The following IQSEC3 variants were observed in gnomAD, a reference collection of about 807,000 sequenced individuals.
The protein encoded by IQSEC3 is IQ motif and Sec7 domain ArfGEF 3.
A neutral mutation model predicts 105.4 loss-of-function variants in IQSEC3; 50 were observed. The ratio of observed to expected loss-of-function variants is 0.47; its 90% CI spans 0.38 to 0.60. IQSEC3 has a LOEUF of 0.60. IQSEC3 is among the 20% of genes least tolerant of loss of function. IQSEC3 has a pLI of 0.00. For synonymous variants in IQSEC3, 708 were observed against 746.0 expected (o/e 0.95, Z 0.83); for missense variants, 1,415 against 1,630.0 (o/e 0.87, Z 2.27).
chr12:103,073 C>T (rs1395417839), intron 2 of IQSEC3, among the ~76,000 whole-genome samples: 1 of 152,086 alleles, frequency 6.6e-6, no homozygotes, highest in Non-Finnish European at 1.5e-5. Flanking sequence ...GCCCCCTGGT[C>T]GTTGCCCCTA....
chr12:102,636 G>T (rs1242441321), intron 2 of IQSEC3, among the ~76,000 whole-genome samples: 1 of 152,178 alleles, frequency 6.6e-6, no homozygotes, highest in Non-Finnish European at 1.5e-5. Context: ...CAGCCCTACC[G>T]AGGCCAGGAC....
intron 1 of IQSEC3, among the ~76,000 whole-genome samples, chr12:85,201 A>G (rs1863878575): frequency 6.6e-6 from 1 of 152,146 alleles, no homozygotes; most frequent in South Asian, 2.1e-4. Flanking sequence ...ACAGCTGACG[A>G]AAGGTGGGTT....
chr12:89,760 C>T lies in IQSEC3; in HGVS notation c.555-9386C>T, dbSNP rs117744923. Among the ~76,000 whole-genome samples, 639 of 152,310 alleles carry T rather than the reference C, an allele frequency of 4.2e-3. 5 individuals are homozygous for T. Among genetic ancestry groups the T allele is most frequent in the East Asian group, 0.027 (139 of 5,184 alleles). On this transcript the variant is annotated intron_variant, in intron 1 of 13. Transcript: ENST00000538872. ...CGTTTATGAAATTCATCCATGTTGG[C>T]TGATGTATCAGTAAGCATGTTCCTT...
intron 1 of IQSEC3, among the ~76,000 whole-genome samples, chr12:84,966 CA>C (rs558373118): frequency 6.6e-6 from 1 of 151,976 alleles, no homozygotes; most frequent in African/African-American, 2.4e-5. Context: ...CAGCGTGCAG[CA>C]AAAAAAGTCA....
chr12:74,313 G>A (rs1555068432), intron 1 of IQSEC3, among the ~76,000 whole-genome samples: 4 of 152,196 alleles, frequency 2.6e-5, no homozygotes, highest in African/African-American at 9.7e-5. Flanking sequence ...TGTGGTTGTG[G>A]GTTTTCTTCT....
At chr12:76,514 C>G (rs1333957148) in intron 1 of IQSEC3, among the ~76,000 whole-genome samples, 3 of 152,264 alleles carry the variant, frequency 2.0e-5, no homozygotes, top group African/African-American at 7.2e-5. Context: ...TGACCCCTGG[C>G]CTGGTCACGC....
intron 9 of IQSEC3, 95 bp downstream of exon 9, chr12:163,714 C>T (rs1165667519): frequency 6.4e-6 from 5 of 783,750 alleles, no homozygotes; most frequent in Middle Eastern, 2.5e-4. Flanking sequence ...CAGGAAAGGA[C>T]GCCCAGAGCT....
At chr12:103,889 GGA>G (rs1185417705) in intron 2 of IQSEC3, among the ~76,000 whole-genome samples, 3 of 96,870 alleles carry the variant, frequency 3.1e-5, no homozygotes, top group Non-Finnish European at 4.7e-5. Context: ...CGGGGGCTCG[GGA>G]GGGGAGGCGG....
At chr12:126,432 G>A (rs1555083525) in intron 3 of IQSEC3, among the ~76,000 whole-genome samples, 1 of 152,198 alleles carries the variant, frequency 6.6e-6, no homozygotes, top group African/African-American at 2.4e-5. Context: ...GGAGGGGCCT[G>A]GGCCTCCATT....
intron 3 of IQSEC3, among the ~76,000 whole-genome samples, chr12:128,881 C>A (rs781835600): frequency 6.6e-6 from 1 of 152,210 alleles, no homozygotes. Flanking sequence ...TGGCTCCTCA[C>A]GGTGTGCAGG....
rs1221644655 is a variant in IQSEC3 at position 177,065 on chromosome 12, ATATACT to A, written c.*2036_*2041del. Reference sequence around the variant, plus strand: ...TGGGGGAATAGGAACTATGAGCTAAATATACTTATGGGGTGGGGGCCGTGGGGGCCA... The same window carrying A: ...TGGGGGAATAGGAACTATGAGCTAAATATGGGGTGGGGGCCGTGGGGGCCA... On this transcript the variant is annotated 3_prime_UTR_variant, in exon 14 of 14. Coordinates refer to ENST00000538872, the MANE Select transcript of IQSEC3 (RefSeq NM_001170738.2). The surrounding 1 kb of genome is among the most constrained non-coding windows in gnomAD (Gnocchi z 5.3). 6.6e-6 allele frequency: 1 copy of A among 152,238 alleles called. No homozygotes were observed. Among genetic ancestry groups the A allele is most frequent in the Non-Finnish European group, 1.5e-5 (1 of 68,082 alleles). 9.4% of individuals were successfully genotyped at this position (152,238 alleles called of 1,614,324 possible).
At chr12:104,855 C>T (rs560267778) in intron 2 of IQSEC3, among the ~76,000 whole-genome samples, 2 of 152,372 alleles carry the variant, frequency 1.3e-5, no homozygotes, top group East Asian at 3.9e-4. Flanking sequence ...GGGCCTGAAA[C>T]ATGAGCAATG....
intron 1 of IQSEC3, among the ~76,000 whole-genome samples, chr12:74,299 G>A (rs1384041379): frequency 6.6e-6 from 1 of 152,252 alleles, no homozygotes; most frequent in Non-Finnish European, 1.5e-5. Context: ...TAAGAGGCCT[G>A]ATGTGTGGTT....
At chr12:116,378 C>T (rs1201434216) in intron 2 of IQSEC3, among the ~76,000 whole-genome samples, 2 of 152,176 alleles carry the variant, frequency 1.3e-5, no homozygotes, top group Admixed American at 1.3e-4. Context: ...GCACTCGCCC[C>T]GGAGACCTGG....
At chr12:103,466 GCGGGGCT>G (rs1555076792) in intron 2 of IQSEC3, among the ~76,000 whole-genome samples, 13 of 111,658 alleles carry the variant, frequency 1.2e-4, no homozygotes, top group South Asian at 3.3e-4. Context: ...GGCAGGAGAG[GCGGGGCT>G]CAGGAGGGGA....
intron 5 of IQSEC3, among the ~76,000 whole-genome samples, chr12:155,169 G>C (rs1050381610): frequency 2.0e-5 from 3 of 152,216 alleles, no homozygotes; most frequent in Non-Finnish European, 4.4e-5. Context: ...GGGTGGAGGT[G>C]AGGAGGGCCA....
chr12:163,529 C>T lies in IQSEC3; in HGVS notation c.2619C>T (p.Cys873=). ...TGCCCCACCGCCGCCTGGTGTGCTGCAGCCGGCTCTTCGAGGTGACGGATG... is the reference window on the plus strand; with the variant it reads ...TGCCCCACCGCCGCCTGGTGTGCTGTAGCCGGCTCTTCGAGGTGACGGATG... ...LSVPHRRLVC[C]SRLFEVTDVN... The change falls in exon 9 of 14, where the codon TGC becomes TGT. Residue 873 remains cysteine, a synonymous_variant. Coordinates refer to ENST00000538872, the MANE Select transcript of IQSEC3 (RefSeq NM_001170738.2). 1.2e-6 allele frequency: 2 copies of T among 1,611,636 alleles called. No individual in the cohort carries two copies. Among genetic ancestry groups the T allele is most frequent in the Non-Finnish European group, 1.7e-6 (2 of 1,179,312 alleles).
chr12:177,072 T>C lies in IQSEC3; in HGVS notation c.*2039T>C, dbSNP rs1287263416. On this transcript the variant is annotated 3_prime_UTR_variant, in exon 14 of 14. Transcript: ENST00000538872. The surrounding 1 kb of genome is among the most constrained non-coding windows in gnomAD (Gnocchi z 5.3). ...ATAGGAACTATGAGCTAAATATACT[T>C]ATGGGGTGGGGGCCGTGGGGGCCAG... 1 of 152,234 alleles carries C rather than the reference T, an allele frequency of 6.6e-6. No homozygotes were observed. The highest frequency in any genetic ancestry group is 1.5e-5 in the Non-Finnish European group (1 of 68,086). 9.4% of individuals were successfully genotyped at this position (152,234 alleles called of 1,614,324 possible).
chr12:169,729 G>A (rs1938870913), intron 12 of IQSEC3, among the ~76,000 whole-genome samples: 1 of 152,142 alleles, frequency 6.6e-6, no homozygotes, highest in African/African-American at 2.4e-5. Flanking sequence ...TACCCCACCT[G>A]CAGGGGGCCA....
Sources: allele counts gnomAD v4.1 joint callset (sites outside exome capture counted in the v4.1 genomes callset), GRCh38; gene constraint gnomAD v4.1.1; non-coding constraint Gnocchi (gnomAD v3.1); transcripts MANE v1.5; gene names NCBI Gene and HGNC (gene_info 2026-07-23, HGNC 2026-07-21).